Variants in SLC5A10 observed in about 807,000 individuals in gnomAD.
SLC5A10 encodes the protein solute carrier family 5 member 10.
In SLC5A10, 55 loss-of-function variants were observed where a neutral mutation model predicts 68.9. The observed-to-expected ratio is 0.80, with a 90% CI of 0.64 to 1.00. The LOEUF (loss-of-function observed/expected upper bound fraction) is 1.00. SLC5A10 is among the 50% of genes least tolerant of loss of function. SLC5A10 has a pLI of 0.00. For missense variants in SLC5A10, 732 were observed against 819.3 expected (o/e 0.89, Z 1.30); for synonymous variants, 344 against 344.8 (o/e 1.00, Z 0.02).
intron 9 of SLC5A10, 159 bp downstream of exon 9, chr17:18,977,148 G>T: frequency 1.1e-6 from 1 of 951,522 alleles, no homozygotes; most frequent in South Asian, 1.7e-5. Flanking sequence ...CAATCAAAGG[G>T]ATTAACATGG....
At chr17:18,957,067 C>T (rs765825927) in intron 1 of SLC5A10, among the ~76,000 whole-genome samples, 8 of 151,952 alleles carry the variant, frequency 5.3e-5, no homozygotes, top group Non-Finnish European at 1.0e-4. Flanking sequence ...GAGAACCGCT[C>T]GAACCCGGGA....
Position 19,015,290 on chromosome 17 carries a change from T to A in SLC5A10, c.1241+91T>A, listed in dbSNP as rs181805471. ...TGAGGGATGAGCCGGAGTTTGCCAC[T>A]TAGAGAAAGGTGGATGCCAGGAAGG... is the stretch of plus-strand genomic sequence containing the variant. On this transcript the variant is annotated intron_variant, in intron 11 of 14. Transcript: ENST00000395645. The A allele has an allele frequency of 3.6e-4, 334 of 934,910 alleles. 1 individual carries two copies. The highest frequency in any genetic ancestry group is 4.5e-4 in the Non-Finnish European group (283 of 635,328). The allele number at this position is 934,910 out of a possible 1,614,324, so 57.9% of individuals were successfully genotyped here.
At chr17:18,959,281 A>C in intron 3 of SLC5A10, 42 bp downstream of exon 3, 1 of 1,591,820 alleles carries the variant, frequency 6.3e-7, no homozygotes, top group South Asian at 1.1e-5. Flanking sequence ...GGGCCAGGGC[A>C]CAGGATGTGG....
chr17:18,967,226 T>G (rs931940600), intron 5 of SLC5A10, among the ~76,000 whole-genome samples: 5 of 152,148 alleles, frequency 3.3e-5, no homozygotes, highest in Non-Finnish European at 7.3e-5. Context: ...CTGGATGCCA[T>G]GTAGTGTCCA....
intron 9 of SLC5A10, among the ~76,000 whole-genome samples, chr17:18,989,038 G>A (rs1436258255): frequency 6.6e-6 from 1 of 152,254 alleles, no homozygotes; most frequent in East Asian, 1.9e-4. Context: ...TGACTGTCAG[G>A]CTTCTCTCAC....
chr17:18,971,789 G>C lies in SLC5A10; in HGVS notation c.846+571G>C. 1 of 1,521,514 alleles carries C rather than the reference G, an allele frequency of 6.6e-7. No individual in the cohort carries two copies. The highest frequency in any genetic ancestry group is 1.3e-5 in the South Asian group (1 of 76,040). The allele number at this position is 1,521,514 out of a possible 1,614,324, so 94.3% of individuals were successfully genotyped here. On this transcript the variant is annotated intron_variant, in intron 8 of 14. Transcript: ENST00000395645. The surrounding 1 kb of genome is among the most constrained non-coding windows in gnomAD (Gnocchi z 5.5). Reference sequence around the variant, plus strand: ...CAGAGAGTGAGGCTGAGCAAGAAGGGCCAACCCCGCCCCAGCACAGGACCC... The same window carrying C: ...CAGAGAGTGAGGCTGAGCAAGAAGGCCCAACCCCGCCCCAGCACAGGACCC...
intron 8 of SLC5A10, among the ~76,000 whole-genome samples, chr17:18,974,742 C>A (rs761370533): frequency 5.3e-5 from 8 of 152,244 alleles, no homozygotes; most frequent in Non-Finnish European, 1.2e-4. Context: ...CACTAGCAGC[C>A]TCACTTAAGT....
chr17:19,008,492 G>A (rs2043945335), intron 9 of SLC5A10, among the ~76,000 whole-genome samples: 1 of 149,612 alleles, frequency 6.7e-6, no homozygotes, highest in Non-Finnish European at 1.5e-5. Context: ...GGAGGAGACA[G>A]CCTCACAGAT....
Position 18,959,676 on chromosome 17 carries a change from A to G in SLC5A10, c.348+13A>G, listed in dbSNP as rs747994354. 39 of 1,613,650 alleles carry G rather than the reference A, an allele frequency of 2.4e-5. 1 individual carries two copies. In the Admixed American group the frequency reaches 5.5e-4, roughly 23 times the overall value. Reference sequence around the variant, plus strand: ...CATCTCCTCAGAGGTGAGTCTACTCATGGGGCCTCCAGCTGGGGGGCTGGG... The same window carrying G: ...CATCTCCTCAGAGGTGAGTCTACTCGTGGGGCCTCCAGCTGGGGGGCTGGG... On this transcript the variant is annotated intron_variant, in intron 4 of 14. Coordinates refer to ENST00000395645, the MANE Select transcript of SLC5A10 (RefSeq NM_001042450.4).
intron 1 of SLC5A10, among the ~76,000 whole-genome samples, chr17:18,955,977 C>T (rs2042490635): frequency 6.6e-6 from 1 of 152,048 alleles, no homozygotes; most frequent in South Asian, 2.1e-4. Flanking sequence ...GGCAGATCAC[C>T]TGAGGTCGGG....
At chr17:18,953,981 C>T (rs941160309) in intron 1 of SLC5A10, 6 of 152,154 alleles carry the variant, frequency 3.9e-5, no homozygotes, top group Admixed American at 2.0e-4. Context: ...TCGGCAAAGC[C>T]GAGTTCAAGT....
At chr17:19,008,636 A>G (rs1002019111) in intron 9 of SLC5A10, among the ~76,000 whole-genome samples, 17 of 151,248 alleles carry the variant, frequency 1.1e-4, no homozygotes, top group African/African-American at 4.1e-4. Context: ...AGTAGCTGGG[A>G]CTACAGGCGC....
At chr17:18,970,875 A>C in intron 7 of SLC5A10, 138 bp from the exon 8 acceptor site, 1 of 722,942 alleles carries the variant, frequency 1.4e-6, no homozygotes, top group Admixed American at 2.5e-5. Context: ...ACCTTTCCAA[A>C]CACTGGGAAA....
chr17:18,971,757 GA>G lies in SLC5A10; in HGVS notation c.846+540del. On this transcript the variant is annotated intron_variant, in intron 8 of 14. Transcript: ENST00000395645. This position sits in a 1 kb window ranked among gnomAD's most constrained non-coding sequence, Gnocchi z 5.5. Reference sequence around the variant, plus strand: ...TGATGAAACTGCTGGCCCTGGGAGAGAGAGAGCAGAGAGTGAGGCTGAGCAA... The same window carrying G: ...TGATGAAACTGCTGGCCCTGGGAGAGGAGAGCAGAGAGTGAGGCTGAGCAA... The G allele has an allele frequency of 6.5e-7, 1 of 1,548,342 alleles. No individual in the cohort carries two copies. The highest frequency in any genetic ancestry group is 1.4e-5 in the African/African-American group (1 of 73,272).
At position 19,019,467 on chromosome 17, in the gene SLC5A10, C is replaced by T. The variant is rs1216226889; in HGVS notation, c.1286C>T (p.Pro429Leu). The change falls in exon 12 of 15, where the codon CCC (proline) becomes CTC (leucine). Residue 429 changes from proline to leucine, a missense_variant. By Grantham distance (98) the Pro-to-Leu change is moderately conservative. Coordinates refer to ENST00000395645, the MANE Select transcript of SLC5A10 (RefSeq NM_001042450.4). ...ATCGGCGTGAGTGTGGCCTGGATCCCCGTCCTGCAGGACTCCAACAGCGGG... is the reference window on the plus strand; with the variant it reads ...ATCGGCGTGAGTGTGGCCTGGATCCTCGTCCTGCAGGACTCCAACAGCGGG... ...ALIGVSVAWI[P>L]VLQDSNSGQL... The T allele has an allele frequency of 1.2e-6, 2 of 1,612,060 alleles. No homozygotes were observed. Among genetic ancestry groups the T allele is most frequent in the Non-Finnish European group, 1.7e-6 (2 of 1,179,936 alleles).
At chr17:19,014,940 A>C in intron 10 of SLC5A10, 109 bp from the exon 11 acceptor site, 1 of 1,329,834 alleles carries the variant, frequency 7.5e-7, no homozygotes, top group Non-Finnish European at 1.0e-6. Flanking sequence ...TCTGCCTTGG[A>C]GGAGCATGCA....
intron 9 of SLC5A10, among the ~76,000 whole-genome samples, chr17:18,990,709 C>A (rs908390178): frequency 3.9e-5 from 6 of 152,268 alleles, no homozygotes; most frequent in African/African-American, 1.4e-4. Context: ...TCCTGGCTCT[C>A]CCCAGGCATT....
At chr17:18,973,858 C>T (rs1370442460) in intron 8 of SLC5A10, among the ~76,000 whole-genome samples, 2 of 146,738 alleles carry the variant, frequency 1.4e-5, no homozygotes, top group South Asian at 2.2e-4. Context: ...CCACCACACT[C>T]GGCTAATTTT....
chr17:18,972,690 G>A (rs1458003631), intron 8 of SLC5A10, among the ~76,000 whole-genome samples: 10 of 151,988 alleles, frequency 6.6e-5, no homozygotes, highest in African/African-American at 2.4e-4. Flanking sequence ...GTGAAACCCC[G>A]TCTCTACTAA....
Sources: allele counts gnomAD v4.1 joint callset (sites outside exome capture counted in the v4.1 genomes callset), GRCh38; gene constraint gnomAD v4.1.1; non-coding constraint Gnocchi (gnomAD v3.1); transcripts MANE v1.5; gene names NCBI Gene and HGNC (gene_info 2026-07-23, HGNC 2026-07-21).